Variants in DYDC2 observed in about 807,000 individuals in gnomAD.
DYDC2 encodes DPY30 domain containing 2.
A neutral mutation model predicts 18.7 loss-of-function variants in DYDC2; 19 were observed. The observed-to-expected ratio is 1.02, with a 90% CI of 0.71 to 1.49. The LOEUF is 1.49. Ranked by LOEUF, DYDC2 falls within the 40% of genes most tolerant of loss-of-function variation. The probability of loss-of-function intolerance (pLI) is 0.00; values close to 1 mark genes in which losing one functional copy is unlikely to be tolerated. For missense variants in DYDC2, 179 were observed against 205.1 expected (o/e 0.87, Z 0.78); for synonymous variants, 63 against 67.6 (o/e 0.93, Z 0.34).
intron 1 of DYDC2, among the ~76,000 whole-genome samples, chr10:80,347,276 C>CTTTTTTTTTTTT (rs556362145): frequency 2.2e-5 from 2 of 90,122 alleles, no homozygotes; most frequent in African/African-American, 4.4e-5. Context: ...AATTGGGATC[C>CTTTTTTTTTTTT]TTTTTTTTTT....
At chr10:80,357,361 GC>G (rs937802949) in intron 1 of DYDC2, among the ~76,000 whole-genome samples, 1 of 151,986 alleles carries the variant, frequency 6.6e-6, no homozygotes, top group Non-Finnish European at 1.5e-5. Flanking sequence ...GGGTGGGTGA[GC>G]CGAGGAGACT....
At chr10:80,362,156 C>G (rs997048639) in intron 2 of DYDC2, among the ~76,000 whole-genome samples, 1 of 152,160 alleles carries the variant, frequency 6.6e-6, no homozygotes, top group East Asian at 1.9e-4. Flanking sequence ...AAGGCTAGAT[C>G]TGAGCTTTTA....
Position 80,367,087 on chromosome 10 carries a change from C to A in DYDC2, c.*136C>A. 2 of 1,070,862 alleles carry A rather than the reference C, an allele frequency of 1.9e-6. No individual in the cohort carries two copies. Among genetic ancestry groups the A allele is most frequent in the Non-Finnish European group, 2.7e-6 (2 of 750,958 alleles). The allele number at this position is 1,070,862 out of a possible 1,614,324, so 66.3% of individuals were successfully genotyped here. On this transcript the variant is annotated 3_prime_UTR_variant, in exon 5 of 5. Coordinates refer to ENST00000256039, the MANE Select transcript of DYDC2 (RefSeq NM_032372.6). ...CCAGCCTACTCCTTTTCTGAAAAACCCTTAATCATGTGAACATTTGAACTA... is the reference window on the plus strand; with the variant it reads ...CCAGCCTACTCCTTTTCTGAAAAACACTTAATCATGTGAACATTTGAACTA...
At chr10:80,354,094 C>T (rs548525183), upstream of DYDC2, among the ~76,000 whole-genome samples, 7 of 149,238 alleles carry the variant, frequency 4.7e-5, no homozygotes, top group Non-Finnish European at 8.9e-5. Flanking sequence ...CCAGCCTGGG[C>T]GACAGAGTGA....
At chr10:80,362,346 G>A (rs1442256519) in intron 2 of DYDC2, 89 bp from the exon 3 acceptor site, 17 of 1,490,856 alleles carry the variant, frequency 1.1e-5, no homozygotes, top group Non-Finnish European at 1.5e-5. Flanking sequence ...TATTTATCCT[G>A]AAATAAATCT....
At chr10:80,352,099 G>A (rs1843028462), upstream of DYDC2, 1 of 1,137,144 alleles carries the variant, frequency 8.8e-7, no homozygotes, top group Admixed American at 2.0e-5. Context: ...ATTAGGGAAA[G>A]TGTTAAGCAA....
upstream of DYDC2, chr10:80,356,447 C>A (rs1002099325): frequency 3.0e-6 from 3 of 985,344 alleles, no homozygotes; most frequent in Non-Finnish European, 3.6e-6. Flanking sequence ...GGCAACCTCC[C>A]GGGGCGCTCA....
upstream of DYDC2, among the ~76,000 whole-genome samples, chr10:80,353,269 A>T (rs1843112684): frequency 6.6e-6 from 1 of 151,914 alleles, no homozygotes; most frequent in Non-Finnish European, 1.5e-5. Flanking sequence ...ACCTCCAGAC[A>T]TCATCTCTCC....
chr10:80,357,829 C>G, intron 1 of DYDC2, 64 bp from the exon 2 acceptor site: 1 of 985,460 alleles, frequency 1.0e-6, no homozygotes, highest in East Asian at 1.1e-4. Context: ...GTGGAAAAAT[C>G]AAAGGGAAGC....
At chr10:80,365,954 TTGAAAATATTTA>T (rs1843821317) in intron 4 of DYDC2, among the ~76,000 whole-genome samples, 1 of 152,112 alleles carries the variant, frequency 6.6e-6, no homozygotes, top group African/African-American at 2.4e-5. Context: ...CCTTGGATTT[TTGAAAATATTTA>T]TAATAGCTGT....
In DYDC2 at chr10:80,357,497, C is replaced by T. The variant is rs535445181; in HGVS notation, c.-162-396C>T. ...TTGAGGAGGAACCAGGAAGGGCAGCCAATCGGAAAAGGGTGGAAGACCTTC... is the reference window on the plus strand; with the variant it reads ...TTGAGGAGGAACCAGGAAGGGCAGCTAATCGGAAAAGGGTGGAAGACCTTC... On this transcript the variant is annotated intron_variant, in intron 1 of 4. Transcript: ENST00000256039. Among the ~76,000 whole-genome samples, 8 of 152,264 alleles carry T rather than the reference C, an allele frequency of 5.3e-5. 1 individual carries two copies. In the South Asian group the frequency reaches 1.7e-3, roughly 32 times the overall value.
At chr10:80,352,355 T>C, upstream of DYDC2, 3 of 1,356,790 alleles carry the variant, frequency 2.2e-6, no homozygotes, top group Non-Finnish European at 2.9e-6. Context: ...ATAAACATTA[T>C]TTTTATAACA....
chr10:80,357,169 G>A (rs563431155), intron 1 of DYDC2, among the ~76,000 whole-genome samples: 1 of 146,544 alleles, frequency 6.8e-6, no homozygotes, highest in East Asian at 2.1e-4. Context: ...AGGGGGCAAC[G>A]GGCAGAGAGG....
At chr10:80,362,642 T>TG (rs776607419) in intron 3 of DYDC2, 52 bp downstream of exon 3, 1 of 1,548,448 alleles carries the variant, frequency 6.5e-7, no homozygotes, top group East Asian at 2.3e-5. Context: ...CAGAGTAATT[T>TG]GAAAGCCAAG....
intron 1 of DYDC2, among the ~76,000 whole-genome samples, chr10:80,345,492 T>C (rs984378569): frequency 6.6e-6 from 1 of 152,180 alleles, no homozygotes; most frequent in African/African-American, 2.4e-5. Context: ...TTGGCTATCA[T>C]CCTCATGCTG....
intron 4 of DYDC2, among the ~76,000 whole-genome samples, chr10:80,365,080 A>G (rs1001182465): frequency 2.0e-5 from 3 of 152,250 alleles, no homozygotes; most frequent in African/African-American, 7.2e-5. Context: ...ATGAAATTTC[A>G]GCAGGGCTGC....
Position 80,367,039 on chromosome 10 carries a change from T to C in DYDC2, c.*88T>C. 1 of 1,504,318 alleles carries C rather than the reference T, an allele frequency of 6.6e-7. No individual in the cohort carries two copies. The highest frequency in any genetic ancestry group is 8.9e-7 in the Non-Finnish European group (1 of 1,127,390). 93.2% of individuals were successfully genotyped at this position (1,504,318 alleles called of 1,614,324 possible). ...GCTAGAACCAAGATTTAAGGGGCTGTAAAAGGCAAGTTCAGGGACTCTCCA... is the reference window on the plus strand; with the variant it reads ...GCTAGAACCAAGATTTAAGGGGCTGCAAAAGGCAAGTTCAGGGACTCTCCA... On this transcript the variant is annotated 3_prime_UTR_variant, in exon 5 of 5. Coordinates refer to ENST00000256039, the MANE Select transcript of DYDC2 (RefSeq NM_032372.6).
In DYDC2 at chr10:80,359,889, A is replaced by G. The variant is rs569811430; in HGVS notation, c.-10+1844A>G. ...CGCCTCTCCCTCCACACCTCCCTGC[A>G]AGCAGAGCCGGCTCCGGCCTTGGCC... On this transcript the variant is annotated intron_variant, in intron 2 of 4. Transcript: ENST00000256039. Among the ~76,000 whole-genome samples the G allele has an allele frequency of 5.3e-5, 8 of 152,192 alleles. No individual in the cohort carries two copies. The South Asian group carries it at 1.7e-3, about 32-fold the overall frequency.
At chr10:80,347,186 T>A (rs950463543) in intron 1 of DYDC2, among the ~76,000 whole-genome samples, 1 of 151,960 alleles carries the variant, frequency 6.6e-6, no homozygotes, top group African/African-American at 2.4e-5. Flanking sequence ...ACATTACTTG[T>A]CACTTTTGAT....
Sources: allele counts gnomAD v4.1 joint callset (sites outside exome capture counted in the v4.1 genomes callset), GRCh38; gene constraint gnomAD v4.1.1; transcripts MANE v1.5; gene names NCBI Gene and HGNC (gene_info 2026-07-23, HGNC 2026-07-21).